NUP35: variants seen among roughly 807,000 people sequenced by gnomAD.
NUP35 encodes the protein nucleoporin 35.
In NUP35, 25 loss-of-function variants were observed where a neutral mutation model predicts 41.5. The ratio of observed to expected loss-of-function variants is 0.60; its 90% confidence interval spans 0.44 to 0.84. The LOEUF (loss-of-function observed/expected upper bound fraction) is 0.84. NUP35 is among the 40% of genes least tolerant of loss of function. The pLI, the probability that NUP35 is intolerant of heterozygous loss-of-function variation, is 0.00. For missense variants in NUP35, 396 were observed against 396.6 expected, an observed-to-expected ratio of 1.00 and a Z score of 0.01; for synonymous variants, 149 against 130.7, an observed-to-expected ratio of 1.14 and a Z score of -0.96.
intron 2 of NUP35, among the ~76,000 whole-genome samples, chr2:183,129,635 A>G (rs1168784260): frequency 6.6e-6 from 1 of 152,240 alleles, no homozygotes; most frequent in Non-Finnish European, 1.5e-5. Flanking sequence ...CTTAAAGGGT[A>G]GGTAATAGTA....
chr2:183,133,655 T>TA, intron 4 of NUP35, 32 bp downstream of exon 4: 2 of 961,888 alleles, frequency 2.1e-6, no homozygotes, highest in Non-Finnish European at 1.5e-6. Flanking sequence ...TTTTTTTTTT[T>TA]AAAAGACAGG....
chr2:183,148,383 A>G (rs779078731), intron 4 of NUP35, among the ~76,000 whole-genome samples: 11 of 152,312 alleles, frequency 7.2e-5, no homozygotes, highest in Non-Finnish European at 1.0e-4. Flanking sequence ...AAATCTCCAT[A>G]TGGCTTTCTA....
chr2:183,159,406 A>C, intron 7 of NUP35, 82 bp from the exon 8 acceptor site: 1 of 1,059,800 alleles, frequency 9.4e-7, no homozygotes, highest in Non-Finnish European at 1.3e-6. Flanking sequence ...TTATCTTTTA[A>C]TTAAATTTTC....
chr2:183,159,067 C>T (rs937122274), intron 7 of NUP35, among the ~76,000 whole-genome samples: 1 of 152,056 alleles, frequency 6.6e-6, no homozygotes, highest in Non-Finnish European at 1.5e-5. Flanking sequence ...TCTGTTATAT[C>T]AGTGTAGTTA....
chr2:183,128,617 C>CA (rs1024611374), intron 2 of NUP35, among the ~76,000 whole-genome samples, 160 bp downstream of exon 2: 13 of 146,240 alleles, frequency 8.9e-5, no homozygotes, highest in African/African-American at 2.3e-4. Context: ...AAAAAAAATG[C>CA]AAAAAAAATC....
chr2:183,142,346 TTG>T (rs1685123165), intron 4 of NUP35, among the ~76,000 whole-genome samples: 1 of 152,194 alleles, frequency 6.6e-6, no homozygotes, highest in Non-Finnish European at 1.5e-5. Flanking sequence ...AATTGCTTGT[TTG>T]TGTGTTGCAT....
intron 2 of NUP35, 33 bp from the exon 3 acceptor site, chr2:183,130,385 C>T: frequency 7.6e-7 from 1 of 1,324,390 alleles, no homozygotes; most frequent in Non-Finnish European, 1.0e-6. Context: ...AAAGAAGAAT[C>T]CCTTTTTTTT....
intron 1 of NUP35, among the ~76,000 whole-genome samples, chr2:183,125,040 A>T (rs1395095930): frequency 6.6e-6 from 1 of 151,958 alleles, no homozygotes; most frequent in Non-Finnish European, 1.5e-5. Context: ...GCAACATTTA[A>T]TCAACCGTGT....
At chr2:183,143,860 T>G (rs961757901) in intron 4 of NUP35, among the ~76,000 whole-genome samples, 1 of 152,216 alleles carries the variant, frequency 6.6e-6, no homozygotes, top group Non-Finnish European at 1.5e-5. Context: ...CATGCTTGAT[T>G]GGACATTGTA....
intron 1 of NUP35, among the ~76,000 whole-genome samples, chr2:183,117,889 G>C (rs1700010141): frequency 6.6e-6 from 1 of 152,048 alleles, no homozygotes; most frequent in South Asian, 2.1e-4. Flanking sequence ...TTCAAAATTT[G>C]AGTTTAGAAG....
intron 3 of NUP35, among the ~76,000 whole-genome samples, chr2:183,132,016 A>G (rs1189531950): frequency 6.6e-6 from 1 of 151,604 alleles, no homozygotes; most frequent in Non-Finnish European, 1.5e-5. Flanking sequence ...ATTTTTATGT[A>G]TTTTTATTTA....
At chr2:183,144,766 G>A (rs1685218793) in intron 4 of NUP35, among the ~76,000 whole-genome samples, 1 of 152,170 alleles carries the variant, frequency 6.6e-6, no homozygotes, top group Non-Finnish European at 1.5e-5. Flanking sequence ...AGTAAAATTA[G>A]TGGAGCAATT....
At position 183,161,607 on chromosome 2, in the gene NUP35, C is replaced by T. The variant is rs1014458687; in HGVS notation, c.*476C>T. 3.9e-5 allele frequency: 6 copies of T among 152,028 alleles called. No homozygotes were observed. Among genetic ancestry groups the T allele is most frequent in the African/African-American group, 1.5e-4 (6 of 41,368 alleles). The allele number at this position is 152,028 out of a possible 1,614,324, so 9.4% of individuals were successfully genotyped here. A position where few individuals can be genotyped will look rare whatever the true frequency, so the allele number is the denominator to read the frequency against. ...TGTATATGTCCTGTCACAGAGTGTC[C>T]TCTTGGTGTATTCTAAAACGAGCAT... On this transcript the variant is annotated 3_prime_UTR_variant, in exon 9 of 9. Transcript: ENST00000295119.
intron 1 of NUP35, among the ~76,000 whole-genome samples, chr2:183,118,066 A>G (rs1337919997): frequency 1.3e-5 from 2 of 152,084 alleles, no homozygotes; most frequent in Admixed American, 6.6e-5. Flanking sequence ...GGGCAGTTGT[A>G]TTTATTAAGC....
chr2:183,137,708 G>A (rs72894537), intron 4 of NUP35, among the ~76,000 whole-genome samples: 2 of 151,792 alleles, frequency 1.3e-5, no homozygotes, highest in Admixed American at 1.3e-4. Flanking sequence ...TGGGAAGACC[G>A]CTTGAGCCGG....
upstream of NUP35, among the ~76,000 whole-genome samples, chr2:183,119,751 C>T (rs982962130): frequency 6.6e-6 from 1 of 152,098 alleles, no homozygotes; most frequent in African/African-American, 2.4e-5. Context: ...GTAACAGGAT[C>T]ATGGCTCACT....
chr2:183,159,962 C>T (rs79537757), intron 8 of NUP35: 11,313 of 228,492 alleles, frequency 0.05, 436 homozygotes, highest in South Asian at 0.14. Context: ...GACATGAGGG[C>T]GCATTAAAAC....
At chr2:183,148,235 CT>C (rs530254473) in intron 4 of NUP35, among the ~76,000 whole-genome samples, 39 of 152,264 alleles carry the variant, frequency 2.6e-4, no homozygotes, top group Non-Finnish European at 5.1e-4. Context: ...GATTCCATAT[CT>C]TTGCTATTGT....
At chr2:183,136,461 T>C (rs1047270274) in intron 4 of NUP35, among the ~76,000 whole-genome samples, 3 of 152,150 alleles carry the variant, frequency 2.0e-5, no homozygotes, top group Non-Finnish European at 4.4e-5. Flanking sequence ...ATGAATGAGG[T>C]CCCTCTCCTT....
Sources: allele counts gnomAD v4.1 joint callset (sites outside exome capture counted in the v4.1 genomes callset), GRCh38; gene constraint gnomAD v4.1.1; transcripts MANE v1.5; gene names NCBI Gene and HGNC (gene_info 2026-07-23, HGNC 2026-07-21).